ENTREP2: variants seen among roughly 807,000 people sequenced by gnomAD.
The protein encoded by ENTREP2 is endosomal transmembrane epsin interactor 2.
At chr15:29,173,541 A>G in the ENTREP2 span, among the ~76,000 whole-genome samples, 1 of 152,158 alleles carries the variant, frequency 6.6e-6, no homozygotes, top group African/African-American at 2.4e-5. Flanking sequence ...ACCCCGGGGC[A>G]CTTGGTAAAG....
At chr15:29,657,475 T>TGCGGGGGCAGGGCGGGGCGGGGGGGGG in the ENTREP2 span, among the ~76,000 whole-genome samples, 1 of 3,808 alleles carries the variant, frequency 2.6e-4, no homozygotes, top group Non-Finnish European at 5.6e-4. Context: ...CGCTGTCGGC[T>TGCGGGGGCAGGGCGGGGCGGGGGGGGG]GGGGGGGCGG....
the ENTREP2 span, among the ~76,000 whole-genome samples, chr15:29,593,796 C>T: frequency 6.6e-6 from 1 of 152,224 alleles, no homozygotes; most frequent in African/African-American, 2.4e-5. Flanking sequence ...ATAATAATGG[C>T]TGTTATGGAA....
At chr15:29,557,889 T>C in the ENTREP2 span, among the ~76,000 whole-genome samples, 1 of 152,182 alleles carries the variant, frequency 6.6e-6, no homozygotes, top group Non-Finnish European at 1.5e-5. Flanking sequence ...CGCTCATGCC[T>C]ATCTTGGAGC....
the ENTREP2 span, among the ~76,000 whole-genome samples, chr15:29,161,555 C>T: frequency 6.6e-6 from 1 of 152,182 alleles, no homozygotes; most frequent in Non-Finnish European, 1.5e-5. Flanking sequence ...CCCTGCAGTT[C>T]CTGGCAGTTT....
the ENTREP2 span, among the ~76,000 whole-genome samples, chr15:29,504,061 G>A: frequency 5.3e-5 from 8 of 152,322 alleles, no homozygotes; most frequent in South Asian, 1.7e-3. Context: ...GTAGACGAAT[G>A]TTAACTCTCC....
the ENTREP2 span, among the ~76,000 whole-genome samples, chr15:29,220,371 C>T: frequency 2.6e-5 from 4 of 152,292 alleles, no homozygotes; most frequent in East Asian, 1.9e-4. Flanking sequence ...TTTAAACGCA[C>T]GTTATTTTTG....
the ENTREP2 span, among the ~76,000 whole-genome samples, chr15:29,431,969 C>G: frequency 6.6e-6 from 1 of 152,298 alleles, no homozygotes; most frequent in East Asian, 1.9e-4. Flanking sequence ...TGTGAACAGG[C>G]TATTTTGATA....
the ENTREP2 span, among the ~76,000 whole-genome samples, chr15:29,367,988 G>A: frequency 6.8e-6 from 1 of 147,902 alleles, no homozygotes; most frequent in East Asian, 2.0e-4. Flanking sequence ...AAGAAAGCAT[G>A]GCCCATATTC....
chr15:29,440,578 C>A, the ENTREP2 span, among the ~76,000 whole-genome samples: 2 of 152,214 alleles, frequency 1.3e-5, no homozygotes, highest in African/African-American at 4.8e-5. Context: ...CCACAAATAT[C>A]CAGTTTCCAA....
the ENTREP2 span, among the ~76,000 whole-genome samples, chr15:29,224,654 T>C: frequency 1.3e-5 from 2 of 152,136 alleles, no homozygotes; most frequent in East Asian, 1.9e-4. Context: ...AGGGTGTTGA[T>C]TGGTGTATTT....
chr15:29,458,111 A>G, the ENTREP2 span, among the ~76,000 whole-genome samples: 2 of 152,212 alleles, frequency 1.3e-5, no homozygotes, highest in Admixed American at 1.3e-4. Context: ...AGGAAGACCC[A>G]GGATAGCTAG....
the ENTREP2 span, among the ~76,000 whole-genome samples, chr15:29,252,760 G>A: frequency 1.3e-5 from 2 of 152,164 alleles, no homozygotes; most frequent in Non-Finnish European, 2.9e-5. Context: ...AAACTTGAAA[G>A]ACTGTGCATT....
chr15:29,617,303 G>A, the ENTREP2 span, among the ~76,000 whole-genome samples: 1 of 152,048 alleles, frequency 6.6e-6, no homozygotes, highest in African/African-American at 2.4e-5. Context: ...GAAAATGCAG[G>A]TCCCAGATCC....
the ENTREP2 span, chr15:29,610,625 C>T: frequency 4.0e-5 from 6 of 150,576 alleles, no homozygotes; most frequent in Non-Finnish European, 5.9e-5. Flanking sequence ...GCTGTTATTC[C>T]CTAAGTTCAG....
the ENTREP2 span, among the ~76,000 whole-genome samples, chr15:29,131,984 C>T: frequency 5.6e-5 from 4 of 72,002 alleles, no homozygotes; most frequent in African/African-American, 1.8e-4. Context: ...GTCACCCATG[C>T]GAGTGCTCAC....
chr15:29,213,337 G>T, the ENTREP2 span, among the ~76,000 whole-genome samples: 1 of 152,132 alleles, frequency 6.6e-6, no homozygotes, highest in Non-Finnish European at 1.5e-5. Context: ...GAAAGTCATT[G>T]GTAGCTTGAT....
chr15:29,220,390 T>A, the ENTREP2 span, among the ~76,000 whole-genome samples: 1 of 152,246 alleles, frequency 6.6e-6, no homozygotes, highest in Non-Finnish European at 1.5e-5. Flanking sequence ...TGGCTCTGCA[T>A]TGCATTTATT....
chr15:29,296,935 G>A, the ENTREP2 span, among the ~76,000 whole-genome samples: 1 of 152,094 alleles, frequency 6.6e-6, no homozygotes, highest in Admixed American at 6.6e-5. Flanking sequence ...TGTGAACTAA[G>A]AATGACTTTT....
the ENTREP2 span, chr15:29,610,421 C>T: frequency 1.3e-5 from 2 of 150,570 alleles, no homozygotes; most frequent in Non-Finnish European, 1.5e-5. Context: ...CACTGCGATG[C>T]TTCATTCCTG....
Sources: allele counts gnomAD v4.1 joint callset (sites outside exome capture counted in the v4.1 genomes callset), GRCh38; gene constraint gnomAD v4.1.1; transcripts MANE v1.5; gene names NCBI Gene and HGNC (gene_info 2026-07-23, HGNC 2026-07-21).